The following CAMK2G variants were observed in gnomAD, a reference collection of about 807,000 sequenced individuals.
CAMK2G encodes the protein calcium/calmodulin dependent protein kinase II gamma.
Under a neutral mutation model 88.7 loss-of-function variants are expected in CAMK2G, and 23 were observed. That is an observed-to-expected ratio of 0.26 (90% CI 0.19 to 0.37). The LOEUF is 0.37. CAMK2G is among the 10% of genes least tolerant of loss of function. The pLI is 1.00. For missense variants in CAMK2G, 476 were observed against 780.8 expected (o/e 0.61, Z 4.65); for synonymous variants, 263 against 294.8 (o/e 0.89, Z 1.11).
chr10:73,872,185 T>C (rs992757950), intron 2 of CAMK2G, among the ~76,000 whole-genome samples: 9 of 152,230 alleles, frequency 5.9e-5, no homozygotes, highest in East Asian at 1.9e-4. Context: ...AAGTACCCAA[T>C]AGGAAGTTCA....
chr10:73,847,374 T>G, intron 9 of CAMK2G, 27 bp from the exon 10 acceptor site: 1 of 1,613,520 alleles, frequency 6.2e-7, no homozygotes, highest in South Asian at 1.1e-5. Flanking sequence ...GGGAGAAGAA[T>G]GTGGTATTGG....
At chr10:73,867,201 C>T (rs1385296394) in intron 2 of CAMK2G, among the ~76,000 whole-genome samples, 2 of 152,216 alleles carry the variant, frequency 1.3e-5, no homozygotes, top group Non-Finnish European at 2.9e-5. Context: ...AAGACCTGAG[C>T]CCCACTTTGG....
chr10:73,870,495 C>A (rs946782526), intron 2 of CAMK2G, among the ~76,000 whole-genome samples: 39 of 152,224 alleles, frequency 2.6e-4, no homozygotes, highest in African/African-American at 9.2e-4. Flanking sequence ...TGGACCCCCC[C>A]AGAAGAACAG....
intron 14 of CAMK2G, among the ~76,000 whole-genome samples, chr10:73,832,026 C>T (rs2092529197): frequency 6.6e-6 from 1 of 150,910 alleles, no homozygotes; most frequent in Admixed American, 6.6e-5. Context: ...GCTGGGATTA[C>T]CAGGCATGAG....
rs1404469873 is a variant in CAMK2G, at chr10:73,813,376, G to C, written c.*1142C>G. 6.6e-6 allele frequency: 1 copy of C among 152,666 alleles called. No homozygotes were observed. Among genetic ancestry groups the C allele is most frequent in the Non-Finnish European group, 1.5e-5 (1 of 68,054 alleles). The allele number at this position is 152,666 out of a possible 1,614,324, so 9.5% of individuals were successfully genotyped here. On this transcript the variant is annotated 3_prime_UTR_variant, in exon 23 of 23. Coordinates refer to ENST00000423381, the MANE Select transcript of CAMK2G (RefSeq NM_001367534.1). ...CCAGAGCAGTCAGGTCAATCTCAAA[G>C]ACAGGAAAAGAGATGGACGTGCAGC... is the stretch of plus-strand genomic sequence containing the variant.
At chr10:73,843,850 G>A (rs2094008389) in intron 10 of CAMK2G, among the ~76,000 whole-genome samples, 1 of 152,092 alleles carries the variant, frequency 6.6e-6, no homozygotes, top group African/African-American at 2.4e-5. Context: ...GAGGTCATCA[G>A]CAAGAACCCC....
intron 4 of CAMK2G, among the ~76,000 whole-genome samples, 190 bp downstream of exon 4, chr10:73,853,001 TG>T (rs2094746312): frequency 6.6e-6 from 1 of 152,178 alleles, no homozygotes; most frequent in Non-Finnish European, 1.5e-5. Context: ...TTCAGAGCCC[TG>T]GGGGGACGCT....
At chr10:73,857,964 C>A (rs140025190) in intron 3 of CAMK2G, among the ~76,000 whole-genome samples, 2 of 152,336 alleles carry the variant, frequency 1.3e-5, no homozygotes, top group African/African-American at 4.8e-5. Flanking sequence ...CGAGAACATT[C>A]CCAAATACCC....
rs958181837 is a variant in CAMK2G, at chr10:73,842,775, G to A, written c.820-234C>T. On this transcript the variant is annotated intron_variant, in intron 10 of 22. Transcript: ENST00000423381. The surrounding 1 kb of genome is among the most constrained non-coding windows in gnomAD (Gnocchi z 4.6). ...GAGAACACCATAACGGATGCTAGAC[G>A]GGCTGCTGAGAGACCGTCCTATTCT... Among the ~76,000 whole-genome samples, 6 of 152,138 alleles carry A rather than the reference G, an allele frequency of 3.9e-5. No individual in the cohort carries two copies. The highest frequency in any genetic ancestry group is 1.2e-4 in the African/African-American group (5 of 41,414).
rs2090520206 is a variant in CAMK2G at position 73,825,244 on chromosome 10, G to A, written c.1155+35C>T. On this transcript the variant is annotated intron_variant, in intron 16 of 22. Coordinates refer to ENST00000423381, the MANE Select transcript of CAMK2G (RefSeq NM_001367534.1). ...AGAGGGAAGGGGCAGGAGGCAGCCA[G>A]GGTCAGAGGCGGAGAAGCTGTAGTC... is the stretch of plus-strand genomic sequence containing the variant. 8 of 1,507,140 alleles carry A rather than the reference G, an allele frequency of 5.3e-6. No individual in the cohort carries two copies. The East Asian group carries it at 1.8e-4, about 34-fold the overall frequency. The allele number at this position is 1,507,140 out of a possible 1,614,324, so 93.4% of individuals were successfully genotyped here. A position where few individuals can be genotyped will look rare whatever the true frequency, so the allele number is the denominator to read the frequency against.
chr10:73,842,010 T>C lies in CAMK2G; in HGVS notation c.946+159A>G, dbSNP rs969565528. 2.9e-6 allele frequency: 2 copies of C among 686,392 alleles called. No homozygotes were observed. Among genetic ancestry groups the C allele is most frequent in the Non-Finnish European group, 5.3e-6 (2 of 377,594 alleles). The allele number at this position is 686,392 out of a possible 1,614,324, so 42.5% of individuals were successfully genotyped here. On this transcript the variant is annotated intron_variant, in intron 12 of 22. Transcript: ENST00000423381. This position sits in a 1 kb window ranked among gnomAD's most constrained non-coding sequence, Gnocchi z 4.6. ...GCCCCCTGAATCTCAGGAGCAGGAC[T>C]CAGCAGCAGCAGCAGCCCCTCAAAA...
At chr10:73,836,453 T>C (rs2093233996) in intron 14 of CAMK2G, among the ~76,000 whole-genome samples, 1 of 152,210 alleles carries the variant, frequency 6.6e-6, no homozygotes, top group Admixed American at 6.5e-5. Flanking sequence ...TCCATCCATG[T>C]AGCTCAGGGG....
chr10:73,857,643 G>C (rs772225172), intron 3 of CAMK2G, among the ~76,000 whole-genome samples: 17 of 152,264 alleles, frequency 1.1e-4, no homozygotes, highest in South Asian at 4.1e-4. Flanking sequence ...GACTATGATC[G>C]AAACTGCTGG....
chr10:73,817,401 G>T, intron 20 of CAMK2G, 78 bp downstream of exon 20: 2 of 1,055,992 alleles, frequency 1.9e-6, no homozygotes, highest in Non-Finnish European at 3.0e-6. Context: ...CTTTCCCCAG[G>T]GTCCTAATTG....
At chr10:73,853,115 T>C in intron 4 of CAMK2G, 77 bp downstream of exon 4, 1 of 1,374,890 alleles carries the variant, frequency 7.3e-7, no homozygotes, top group Non-Finnish European at 1.0e-6. Flanking sequence ...GGAGAGCCTG[T>C]TTAGGCCTCT....
intron 14 of CAMK2G, among the ~76,000 whole-genome samples, chr10:73,835,983 G>A (rs2093165651): frequency 1.3e-5 from 2 of 152,014 alleles, no homozygotes; most frequent in South Asian, 4.2e-4. Context: ...TACAGGCACC[G>A]GTCATTATGA....
At chr10:73,851,756 G>A (rs557571006) in intron 5 of CAMK2G, among the ~76,000 whole-genome samples, 2 of 148,624 alleles carry the variant, frequency 1.3e-5, no homozygotes, top group East Asian at 2.0e-4. Context: ...TTTGTGGGGG[G>A]GGGGAGGGGG....
At chr10:73,829,725 GTGTGTGTGTA>G (rs1384652581) in intron 14 of CAMK2G, among the ~76,000 whole-genome samples, 3 of 151,636 alleles carry the variant, frequency 2.0e-5, no homozygotes, top group South Asian at 2.1e-4. Context: ...GTGTGTGTGT[GTGTGTGTGTA>G]TATCTCCTTA....
intron 12 of CAMK2G, chr10:73,841,901 G>T (rs954255769): frequency 2.1e-6 from 1 of 477,820 alleles, no homozygotes; most frequent in South Asian, 2.5e-5. Flanking sequence ...AGTTAAATAA[G>T]AATCCAGAGA....
Sources: gnomAD v4.1 joint callset for allele counts (sites outside exome capture counted in the v4.1 genomes callset) on GRCh38, gnomAD v4.1.1 for gene constraint, Gnocchi (gnomAD v3.1) non-coding constraint, MANE v1.5 for transcripts, NCBI Gene and HGNC (gene_info 2026-07-23, HGNC 2026-07-21) for gene names.